The following ARL2BP variants were observed in gnomAD, a reference collection of about 807,000 sequenced individuals.
The protein encoded by ARL2BP is ADP-ribosylation factor-like protein 2-binding protein.
Under a neutral mutation model 24.2 loss-of-function variants are expected in ARL2BP, and 19 were observed. The observed-to-expected ratio is 0.79, with a 90% CI of 0.55 to 1.15. The LOEUF (loss-of-function observed/expected upper bound fraction) is 1.15, where lower values mean the gene tolerates loss of function less well. Ranked by LOEUF, ARL2BP falls within the 50% of genes most tolerant of loss-of-function variation. The pLI, the probability that ARL2BP is intolerant of heterozygous loss-of-function variation, is 0.00. For missense variants in ARL2BP, 160 were observed against 190.4 expected (o/e 0.84, Z 0.94); for synonymous variants, 56 against 70.5 (o/e 0.79, Z 1.03).
At position 57,253,192 on chromosome 16, in the gene ARL2BP, A is replaced by T. The variant is rs1342540609; in HGVS notation, c.*925A>T. 1 of 152,608 alleles carries T rather than the reference A, an allele frequency of 6.6e-6. No individual in the cohort carries two copies. Among genetic ancestry groups the T allele is most frequent in the Non-Finnish European group, 1.5e-5 (1 of 68,032 alleles). The allele number at this position is 152,608 out of a possible 1,614,324, so 9.5% of individuals were successfully genotyped here. A position where few individuals can be genotyped will look rare whatever the true frequency, so the allele number is the denominator to read the frequency against. On this transcript the variant is annotated 3_prime_UTR_variant, in exon 6 of 6. Coordinates refer to ENST00000219204, the MANE Select transcript of ARL2BP (RefSeq NM_012106.4). ...TCCTATAGCATGTTAGTGTGTTTGCATGTTTGCTGAAAATCCTTTGTGTAT... is the reference window on the plus strand; with the variant it reads ...TCCTATAGCATGTTAGTGTGTTTGCTTGTTTGCTGAAAATCCTTTGTGTAT...
In ARL2BP at chr16:57,250,396, C is replaced by T. The variant is rs759373737; in HGVS notation, c.294-15C>T. 183 of 1,610,802 alleles carry T rather than the reference C, an allele frequency of 1.1e-4. No homozygotes were observed. The highest frequency in any genetic ancestry group is 1.4e-4 in the Non-Finnish European group (170 of 1,177,188). Reference sequence around the variant, plus strand: ...CATCATTCATTCACGAAACAGCCATCTGTTCCGTTTGCAGGCACCATAAGG... The same window carrying T: ...CATCATTCATTCACGAAACAGCCATTTGTTCCGTTTGCAGGCACCATAAGG... On this transcript the variant is annotated splice_polypyrimidine_tract_variant and intron_variant, in intron 4 of 5. Coordinates refer to ENST00000219204, the MANE Select transcript of ARL2BP (RefSeq NM_012106.4).
chr16:57,248,262 G>A (rs1011667699), intron 2 of ARL2BP: 12 of 168,228 alleles, frequency 7.1e-5, no homozygotes, highest in Non-Finnish European at 1.1e-4. Flanking sequence ...GCAGTGAACC[G>A]AGATCGCACC....
chr16:57,246,363 G>A, intron 2 of ARL2BP: 1 of 538,290 alleles, frequency 1.9e-6, no homozygotes, highest in Non-Finnish European at 3.3e-6. Context: ...GAGGCTGGAA[G>A]GGACTGACTC....
At chr16:57,248,212 C>T (rs1200823117) in intron 2 of ARL2BP, 1 of 155,270 alleles carries the variant, frequency 6.4e-6, no homozygotes, top group African/African-American at 2.5e-5. Context: ...ACTCAGGAGG[C>T]TAAGGCAGTA....
Position 57,252,509 on chromosome 16 carries a change from G to A in ARL2BP, c.*242G>A. ...CACCTCAAGTAGACACCTCTCTCAG[G>A]AGCTTCTGAGTCAGACGCCTCTGGA... On this transcript the variant is annotated 3_prime_UTR_variant, in exon 6 of 6. Transcript: ENST00000219204. The A allele has an allele frequency of 3.1e-6, 2 of 635,344 alleles. No homozygotes were observed. The highest frequency in any genetic ancestry group is 5.1e-6 in the Non-Finnish European group (2 of 390,568). 39.4% of individuals were successfully genotyped at this position (635,344 alleles called of 1,614,324 possible).
chr16:57,249,138 TCTTTC>T (rs1424385005), intron 3 of ARL2BP: 1 of 152,754 alleles, frequency 6.5e-6, no homozygotes, highest in Non-Finnish European at 1.5e-5. Flanking sequence ...ACATACTCTT[TCTTTC>T]TTCTATATAA....
chr16:57,245,938 CATTCTT>C, intron 1 of ARL2BP, 136 bp from the exon 2 acceptor site: 1 of 758,068 alleles, frequency 1.3e-6, no homozygotes, highest in Non-Finnish European at 2.3e-6. Context: ...ATCAGTCAGT[CATTCTT>C]AATCGTTGAA....
At chr16:57,245,449 A>G in intron 1 of ARL2BP, 44 bp downstream of exon 1, 2 of 1,595,414 alleles carry the variant, frequency 1.3e-6, no homozygotes, top group Non-Finnish European at 1.7e-6. Context: ...GGCCGGAGGC[A>G]GCGGGCGTTC....
Position 57,252,384 on chromosome 16 carries a change from A to T in ARL2BP, c.*117A>T. On this transcript the variant is annotated 3_prime_UTR_variant, in exon 6 of 6. Coordinates refer to ENST00000219204, the MANE Select transcript of ARL2BP (RefSeq NM_012106.4). ...GACTCTGTTATGTAACTCTTCATTTATGTTAAGTATTAATAGGTCAAAACC... is the reference window on the plus strand; with the variant it reads ...GACTCTGTTATGTAACTCTTCATTTTTGTTAAGTATTAATAGGTCAAAACC... The T allele has an allele frequency of 6.4e-7, 1 of 1,569,170 alleles. No homozygotes were observed. The highest frequency in any genetic ancestry group is 8.6e-7 in the Non-Finnish European group (1 of 1,159,642).
In ARL2BP at chr16:57,249,827, A is replaced by G. The variant is rs759058154; in HGVS notation, c.268A>G (p.Met90Val). 17 of 1,614,098 alleles carry G rather than the reference A, an allele frequency of 1.1e-5. No individual in the cohort carries two copies. Among genetic ancestry groups the G allele is most frequent in the South Asian group, 3.3e-5 (3 of 91,088 alleles). The change falls in exon 4 of 6, where the codon ATG (methionine) becomes GTG (valine). Residue 90 changes from methionine to valine, a missense_variant. Physicochemically the swap from Met to Val is conservative, Grantham distance 21. Coordinates refer to ENST00000219204, the MANE Select transcript of ARL2BP (RefSeq NM_012106.4). ...GCTGCAGCGGATTCCTGAGTTCAAC[A>G]TGGCAGCCTTCACCACAACATTACA... is the stretch of plus-strand genomic sequence containing the variant. ...QLLQRIPEFN[M>V]AAFTTTLQHH...
Position 57,252,933 on chromosome 16 carries a change from A to C in ARL2BP, c.*666A>C, listed in dbSNP as rs1233037378. 6.6e-6 allele frequency: 1 copy of C among 152,570 alleles called. No individual in the cohort carries two copies. The highest frequency in any genetic ancestry group is 2.4e-5 in the African/African-American group (1 of 41,360). The allele number at this position is 152,570 out of a possible 1,614,324, so 9.5% of individuals were successfully genotyped here. Reference sequence around the variant, plus strand: ...CTGTTTCTAGAAGTCTCTTTTAAGCATTATTTTTGAAAAAAAAAATATTTT... The same window carrying C: ...CTGTTTCTAGAAGTCTCTTTTAAGCCTTATTTTTGAAAAAAAAAATATTTT... On this transcript the variant is annotated 3_prime_UTR_variant, in exon 6 of 6. Coordinates refer to ENST00000219204, the MANE Select transcript of ARL2BP (RefSeq NM_012106.4).
At chr16:57,250,290 T>C in intron 4 of ARL2BP, 121 bp from the exon 5 acceptor site, 2 of 836,112 alleles carry the variant, frequency 2.4e-6, no homozygotes, top group Admixed American at 4.4e-5. Flanking sequence ...ACCCAGTCTC[T>C]AAAAAAACAA....
rs2075411680 is a variant in ARL2BP, at chr16:57,252,517, G to A, written c.*250G>A. ...GTAGACACCTCTCTCAGGAGCTTCT[G>A]AGTCAGACGCCTCTGGAGCGAGCCC... On this transcript the variant is annotated 3_prime_UTR_variant, in exon 6 of 6. Transcript: ENST00000219204. 14 of 591,432 alleles carry A rather than the reference G, an allele frequency of 2.4e-5. No individual in the cohort carries two copies. In the South Asian group the frequency reaches 2.6e-4, roughly 11 times the overall value. The allele number at this position is 591,432 out of a possible 1,614,324, so 36.6% of individuals were successfully genotyped here. A position where few individuals can be genotyped will look rare whatever the true frequency, so the allele number is the denominator to read the frequency against.
rs1409367054 is a variant in ARL2BP, at chr16:57,245,307, G to A, written c.-61G>A. On this transcript the variant is annotated 5_prime_UTR_variant, in exon 1 of 6. Transcript: ENST00000219204. Reference sequence around the variant, plus strand: ...TGAGAGGCCTTAACCCCGCCGGGCGGCCGCGCCCTGCATGCGAGTTGGGCC... The same window carrying A: ...TGAGAGGCCTTAACCCCGCCGGGCGACCGCGCCCTGCATGCGAGTTGGGCC... 1.9e-6 allele frequency: 3 copies of A among 1,570,868 alleles called. No individual in the cohort carries two copies. Among genetic ancestry groups the A allele is most frequent in the Non-Finnish European group, 2.6e-6 (3 of 1,158,136 alleles).
At position 57,252,631 on chromosome 16, in the gene ARL2BP, C is replaced by T. The variant is rs1458045814; in HGVS notation, c.*364C>T. 1 of 281,424 alleles carries T rather than the reference C, an allele frequency of 3.6e-6. No homozygotes were observed. Among genetic ancestry groups the T allele is most frequent in the African/African-American group, 2.2e-5 (1 of 45,772 alleles). The allele number at this position is 281,424 out of a possible 1,614,324, so 17.4% of individuals were successfully genotyped here. ...TAACCCGCCGCCACCACCCTCTGTT[C>T]CAGCAGGCTCTGCATGAATCTTTGT... On this transcript the variant is annotated 3_prime_UTR_variant, in exon 6 of 6. Transcript: ENST00000219204.
At chr16:57,249,657 T>G in intron 3 of ARL2BP, 110 bp from the exon 4 acceptor site, 1 of 796,404 alleles carries the variant, frequency 1.3e-6, no homozygotes. Context: ...CAGTGTAGAT[T>G]GTGGCACACA....
chr16:57,248,437 T>G, intron 2 of ARL2BP, 100 bp from the exon 3 acceptor site: 1 of 625,692 alleles, frequency 1.6e-6, no homozygotes, highest in Non-Finnish European at 2.7e-6. Flanking sequence ...AGACTGATCA[T>G]TGAGAAAGCA....
rs2075390679 is a variant in ARL2BP, at chr16:57,246,441, T to A, written c.100+300T>A. 3 of 287,416 alleles carry A rather than the reference T, an allele frequency of 1.0e-5. No individual in the cohort carries two copies. In the South Asian group the frequency reaches 2.2e-4, roughly 21 times the overall value. 17.8% of individuals were successfully genotyped at this position (287,416 alleles called of 1,614,324 possible). A position where few individuals can be genotyped will look rare whatever the true frequency, so the allele number is the denominator to read the frequency against. ...ATAGGAAATAATGATCTACTCTATT[T>A]CTTATGTAGGGTAAGAGCAATTTCA... On this transcript the variant is annotated intron_variant, in intron 2 of 5. Transcript: ENST00000219204.
At chr16:57,247,457 G>GGT (rs761232984) in intron 2 of ARL2BP, 5 of 152,118 alleles carry the variant, frequency 3.3e-5, no homozygotes, top group Non-Finnish European at 5.9e-5. Context: ...GGCCAGCGCA[G>GGT]GTGGATTGCT....
Sources: gnomAD v4.1 joint callset for allele counts on GRCh38, gnomAD v4.1.1 for gene constraint, MANE v1.5 for transcripts, NCBI Gene and HGNC (gene_info 2026-07-23, HGNC 2026-07-21) for gene names.